Variants in SLC25A48 observed in about 807,000 individuals in gnomAD.
SLC25A48 encodes solute carrier family 25 member 48.
In SLC25A48, 29 loss-of-function variants were observed where a neutral mutation model predicts 32.2. The ratio of observed to expected loss-of-function variants is 0.90; its 90% CI spans 0.67 to 1.23. The LOEUF is 1.23. Ranked by LOEUF, SLC25A48 falls within the 50% of genes most tolerant of loss-of-function variation. The pLI is 0.00. For synonymous variants in SLC25A48, 164 were observed against 172.3 expected, an observed-to-expected ratio of 0.95 and a Z score of 0.38; for missense variants, 399 against 422.7, an observed-to-expected ratio of 0.94 and a Z score of 0.49.
intron 3 of SLC25A48, among the ~76,000 whole-genome samples, chr5:135,788,709 A>G (rs1278278790): frequency 6.7e-6 from 1 of 148,354 alleles, no homozygotes; most frequent in Non-Finnish European, 1.5e-5. Context: ...AGAGGGTGAC[A>G]TTATTCCCCA....
intron 4 of SLC25A48, among the ~76,000 whole-genome samples, chr5:135,866,081 C>A (rs977201442): frequency 6.6e-6 from 1 of 152,176 alleles, no homozygotes; most frequent in Non-Finnish European, 1.5e-5. Context: ...CGTGAAAACC[C>A]ACACATCCCT....
chr5:135,684,900 A>C (rs1460657537), intron 3 of SLC25A48, among the ~76,000 whole-genome samples: 34 of 152,162 alleles, frequency 2.2e-4, no homozygotes, highest in Non-Finnish European at 1.5e-5. Flanking sequence ...TCTGCAGTGT[A>C]GATTTATCTC....
chr5:135,636,823 C>T (rs1561768951), intron 3 of SLC25A48, among the ~76,000 whole-genome samples: 2 of 152,194 alleles, frequency 1.3e-5, no homozygotes, highest in Non-Finnish European at 2.9e-5. Flanking sequence ...TATTCACACA[C>T]CAGAAAACAT....
At chr5:135,725,049 CA>C (rs1379782333) in intron 3 of SLC25A48, among the ~76,000 whole-genome samples, 1 of 152,350 alleles carries the variant, frequency 6.6e-6, no homozygotes, top group Admixed American at 6.5e-5. Flanking sequence ...GAGTCTTCCA[CA>C]AGTAGTAAAA....
At chr5:135,828,191 G>A (rs566429110) in intron 4 of SLC25A48, among the ~76,000 whole-genome samples, 2 of 152,374 alleles carry the variant, frequency 1.3e-5, no homozygotes, top group South Asian at 2.1e-4. Context: ...TCCCAGATAA[G>A]GGGCTGGCTC....
chr5:135,594,119 G>T (rs538424894), intron 1 of SLC25A48, among the ~76,000 whole-genome samples: 113 of 152,314 alleles, frequency 7.4e-4, no homozygotes, highest in African/African-American at 2.5e-3. Context: ...TCTCAAACAC[G>T]GTGACTTTAG....
intron 3 of SLC25A48, among the ~76,000 whole-genome samples, chr5:135,792,018 A>G (rs942702493): frequency 1.3e-5 from 2 of 151,824 alleles, no homozygotes; most frequent in African/African-American, 4.8e-5. Context: ...AACTCCTAAT[A>G]TCACTGTGGG....
At chr5:135,876,413 G>T (rs1473320077) in intron 6 of SLC25A48, 1 of 152,114 alleles carries the variant, frequency 6.6e-6, no homozygotes, top group Non-Finnish European at 1.5e-5. Flanking sequence ...AATCTCGATA[G>T]CGTTTGGTCC....
At chr5:135,586,851 C>T (rs942209551) in intron 1 of SLC25A48, among the ~76,000 whole-genome samples, 2 of 152,066 alleles carry the variant, frequency 1.3e-5, no homozygotes, top group African/African-American at 2.4e-5. Context: ...GGCTTCATCA[C>T]CTGGATTATA....
intron 3 of SLC25A48, among the ~76,000 whole-genome samples, chr5:135,677,268 G>C (rs1023263854): frequency 6.6e-6 from 1 of 151,802 alleles, no homozygotes; most frequent in African/African-American, 2.4e-5. Flanking sequence ...CTCACTTTTG[G>C]TTTCTGTTTG....
chr5:135,649,353 T>A (rs1396997317), intron 3 of SLC25A48: 1 of 152,220 alleles, frequency 6.6e-6, no homozygotes, highest in Non-Finnish European at 1.5e-5. Context: ...GACATGAGTC[T>A]ATAAGGCTTT....
At chr5:135,669,123 T>C (rs1372533681) in intron 3 of SLC25A48, among the ~76,000 whole-genome samples, 1 of 152,206 alleles carries the variant, frequency 6.6e-6, no homozygotes, top group Admixed American at 6.5e-5. Context: ...GCACTTGTCA[T>C]GTTTTATCTT....
intron 3 of SLC25A48, among the ~76,000 whole-genome samples, chr5:135,779,265 G>C (rs1008537477): frequency 6.6e-6 from 1 of 151,890 alleles, no homozygotes; most frequent in African/African-American, 2.4e-5. Flanking sequence ...GAGAGAGGCT[G>C]ATATTACTCC....
chr5:135,646,656 C>A (rs1752965072), intron 3 of SLC25A48, among the ~76,000 whole-genome samples: 2 of 54,566 alleles, frequency 3.7e-5, no homozygotes, highest in African/African-American at 5.6e-5. Context: ...ATATAATTTC[C>A]CATTATATAT....
intron 3 of SLC25A48, among the ~76,000 whole-genome samples, chr5:135,755,506 A>G (rs890417240): frequency 1.9e-4 from 29 of 152,038 alleles, no homozygotes; most frequent in African/African-American, 7.0e-4. Context: ...TTGATGCGCT[A>G]TGGTATTAAT....
chr5:135,638,419 G>A (rs1279140545), intron 3 of SLC25A48, among the ~76,000 whole-genome samples: 1 of 152,158 alleles, frequency 6.6e-6, no homozygotes, highest in Non-Finnish European at 1.5e-5. Context: ...GGGAGGGGAG[G>A]CAGCAGTTCT....
intron 1 of SLC25A48, among the ~76,000 whole-genome samples, chr5:135,594,315 C>A (rs17168705): frequency 0.15 from 22,460 of 152,220 alleles, 2,048 homozygotes; most frequent in East Asian, 0.31. Context: ...TTAAGTAGAA[C>A]CAGAGGCTTG....
intron 3 of SLC25A48, among the ~76,000 whole-genome samples, chr5:135,773,143 G>A (rs531058920): frequency 6.6e-6 from 1 of 151,012 alleles, no homozygotes; most frequent in East Asian, 2.0e-4. Context: ...TAATATCCAG[G>A]GTGGTAGAGG....
At chr5:135,677,304 C>G (rs1753794353) in intron 3 of SLC25A48, among the ~76,000 whole-genome samples, 1 of 151,990 alleles carries the variant, frequency 6.6e-6, no homozygotes, top group Non-Finnish European at 1.5e-5. Context: ...TATCCCTTTA[C>G]TTTTGGTCTA....
Sources: allele counts gnomAD v4.1 joint callset (sites outside exome capture counted in the v4.1 genomes callset), GRCh38; gene constraint gnomAD v4.1.1; transcripts MANE v1.5; gene names NCBI Gene and HGNC (gene_info 2026-07-23, HGNC 2026-07-21).